Variants in OSBPL6 observed in about 807,000 individuals in gnomAD.
OSBPL6 encodes the protein oxysterol-binding protein-related protein 6.
OSBPL6 carries 49 observed loss-of-function variants against 125.8 expected under a neutral mutation model. The ratio of observed to expected loss-of-function variants is 0.39; its 90% confidence interval spans 0.31 to 0.49. The LOEUF is 0.49. Ranked by LOEUF, OSBPL6 falls within the 20% of genes least tolerant of loss-of-function variation. The pLI is 0.88. For synonymous variants in OSBPL6, 394 were observed against 391.8 expected (o/e 1.01, Z -0.07); for missense variants, 986 against 1,135.4 (o/e 0.87, Z 1.89).
chr2:178,235,835 A>G (rs1175668351), intron 1 of OSBPL6, among the ~76,000 whole-genome samples: 1 of 152,218 alleles, frequency 6.6e-6, no homozygotes, highest in Non-Finnish European at 1.5e-5. Flanking sequence ...TTTCATTAGC[A>G]TAAAGAACTA....
intron 1 of OSBPL6, among the ~76,000 whole-genome samples, chr2:178,277,863 G>A (rs985282004): frequency 6.6e-6 from 1 of 152,110 alleles, no homozygotes; most frequent in Admixed American, 6.5e-5. Flanking sequence ...TTTGTTCTGC[G>A]GCTAGATCCC....
chr2:178,257,664 G>A (rs905157500), intron 1 of OSBPL6, among the ~76,000 whole-genome samples: 1 of 152,160 alleles, frequency 6.6e-6, no homozygotes, highest in Admixed American at 6.5e-5. Flanking sequence ...TGAATAAGGT[G>A]TGCAGGGGTC....
intron 1 of OSBPL6, among the ~76,000 whole-genome samples, chr2:178,280,902 G>C (rs1684096727): frequency 6.6e-6 from 1 of 152,082 alleles, no homozygotes; most frequent in Non-Finnish European, 1.5e-5. Flanking sequence ...TTTTCTCCCA[G>C]TGTGTAGGTT....
chr2:178,284,866 G>T (rs927589866), intron 1 of OSBPL6, 61 bp from the exon 2 acceptor site: 2 of 393,620 alleles, frequency 5.1e-6, no homozygotes, highest in East Asian at 3.6e-5. Context: ...GGCAGTCCCC[G>T]TGAGAGGCTC....
chr2:178,363,837 G>A lies in OSBPL6; in HGVS notation c.1287+2022G>A, dbSNP rs572677847. Among the ~76,000 whole-genome samples the A allele has an allele frequency of 2.8e-4, 42 of 152,218 alleles. No homozygotes were observed. The South Asian group carries it at 5.4e-3, about 20-fold the overall frequency. On this transcript the variant is annotated intron_variant, in intron 13 of 24. Transcript: ENST00000190611. ...AATCTCAATTTTAGCCTTAAAAGAT[G>A]TGAAAATAATTTGGAACTATTAAGT...
chr2:178,203,681 T>C (rs1323740834), intron 1 of OSBPL6, among the ~76,000 whole-genome samples: 1 of 152,248 alleles, frequency 6.6e-6, no homozygotes, highest in Non-Finnish European at 1.5e-5. Context: ...TTTGCATTCC[T>C]GTAAATGTTC....
chr2:178,197,352 A>G (rs1022141271), intron 1 of OSBPL6, among the ~76,000 whole-genome samples: 1 of 152,216 alleles, frequency 6.6e-6, no homozygotes, highest in Admixed American at 6.5e-5. Flanking sequence ...TATCTTTTAT[A>G]TGGACTGGAG....
chr2:178,364,276 A>G (rs1692612361), intron 13 of OSBPL6, among the ~76,000 whole-genome samples: 1 of 152,206 alleles, frequency 6.6e-6, no homozygotes, highest in Non-Finnish European at 1.5e-5. Context: ...ATCAGTTAAC[A>G]ATTTTAACTG....
At chr2:178,385,766 C>T (rs780428291) in intron 19 of OSBPL6, among the ~76,000 whole-genome samples, 4 of 152,206 alleles carry the variant, frequency 2.6e-5, no homozygotes, top group Non-Finnish European at 4.4e-5. Flanking sequence ...TCCATGCGGA[C>T]TGTGCCGGTG....
intron 18 of OSBPL6, among the ~76,000 whole-genome samples, chr2:178,385,131 T>C (rs1396922962): frequency 6.6e-6 from 1 of 152,092 alleles, no homozygotes; most frequent in African/African-American, 2.4e-5. Context: ...AAATACCTAA[T>C]GTAGGTGATG....
chr2:178,365,868 C>T (rs191399585), intron 13 of OSBPL6, among the ~76,000 whole-genome samples: 6 of 152,090 alleles, frequency 3.9e-5, no homozygotes, highest in African/African-American at 1.2e-4. Flanking sequence ...TATTTGACAT[C>T]AGCTATAATT....
At chr2:178,315,267 CT>C in intron 3 of OSBPL6, among the ~76,000 whole-genome samples, 1 of 152,182 alleles carries the variant, frequency 6.6e-6, no homozygotes, top group Non-Finnish European at 1.5e-5. Context: ...TTTTGGAGAT[CT>C]CTGTCACTGT....
chr2:178,366,276 CATA>C (rs773931473), intron 13 of OSBPL6, among the ~76,000 whole-genome samples: 3 of 152,134 alleles, frequency 2.0e-5, no homozygotes, highest in Non-Finnish European at 2.9e-5. Flanking sequence ...CCCAGATTAC[CATA>C]ATAATAAAAA....
intron 1 of OSBPL6, among the ~76,000 whole-genome samples, chr2:178,223,791 T>C (rs2090439125): frequency 6.6e-6 from 1 of 152,220 alleles, no homozygotes; most frequent in South Asian, 2.1e-4. Flanking sequence ...AGTGGGTCCT[T>C]ATGGCCTTGG....
intron 3 of OSBPL6, among the ~76,000 whole-genome samples, chr2:178,318,337 C>A (rs1038920618): frequency 6.6e-6 from 1 of 152,098 alleles, no homozygotes; most frequent in Non-Finnish European, 1.5e-5. Flanking sequence ...TCAGAATTTC[C>A]CAGGTGTGCT....
rs148628258 is a variant in OSBPL6, at chr2:178,280,860, G to A, written c.-350-4067G>A. 1.6e-3 allele frequency among the ~76,000 whole-genome samples: 244 copies of A among 152,144 alleles called. 2 individuals are homozygous for A. The highest frequency in any genetic ancestry group is 5.7e-3 in the African/African-American group (237 of 41,522). On this transcript the variant is annotated intron_variant, in intron 1 of 24. Transcript: ENST00000190611. The stretch of plus-strand genomic sequence containing the variant: ...AGTTCCTTGTAGACTCTGGTTATTA[G>A]ACCTTTGTCAGAGATGGATAGATTG...
chr2:178,248,385 A>C (rs1294821026), intron 1 of OSBPL6, among the ~76,000 whole-genome samples: 2 of 152,236 alleles, frequency 1.3e-5, no homozygotes, highest in African/African-American at 4.8e-5. Flanking sequence ...TTACAAACTT[A>C]AAAGTTTGTA....
At position 178,367,878 on chromosome 2, in the gene OSBPL6, A is replaced by T. The variant is rs1693000984; in HGVS notation, c.1288-4248A>T. 2.6e-5 allele frequency among the ~76,000 whole-genome samples: 4 copies of T among 152,232 alleles called. No homozygotes were observed. The South Asian group carries it at 8.3e-4, about 32-fold the overall frequency. On this transcript the variant is annotated intron_variant, in intron 13 of 24. Transcript: ENST00000190611. ...GGCTTCAAGGTGCTTCCTCCCTGTT[A>T]GGCCTTTGGTCCTGTATGCCACTAA... is the stretch of plus-strand genomic sequence containing the variant.
intron 11 of OSBPL6, among the ~76,000 whole-genome samples, chr2:178,344,824 A>G (rs1427679523): frequency 6.6e-6 from 1 of 152,196 alleles, no homozygotes; most frequent in African/African-American, 2.4e-5. Flanking sequence ...TGAGAGGGTA[A>G]GAAAAGGTGA....
Sources: allele counts gnomAD v4.1 joint callset (sites outside exome capture counted in the v4.1 genomes callset), GRCh38; gene constraint gnomAD v4.1.1; transcripts MANE v1.5; gene names NCBI Gene and HGNC (gene_info 2026-07-23, HGNC 2026-07-21).